RASGEF1C: variants seen among roughly 807,000 people sequenced by gnomAD.
RASGEF1C encodes ras-GEF domain-containing family member 1C.
Under a neutral mutation model 58.1 loss-of-function variants are expected in RASGEF1C, and 27 were observed. That is an observed-to-expected ratio of 0.46 (90% CI 0.34 to 0.64). The LOEUF (loss-of-function observed/expected upper bound fraction) is 0.64, where lower values mean the gene tolerates loss of function less well. Among genes scored for constraint, RASGEF1C ranks in the 30% least tolerant of loss-of-function variants. The probability of loss-of-function intolerance (pLI) is 0.01; values close to 1 mark genes in which losing one functional copy is unlikely to be tolerated. For missense variants in RASGEF1C, 502 were observed against 605.1 expected, an observed-to-expected ratio of 0.83 and a Z score of 1.79; for synonymous variants, 243 against 246.3, an observed-to-expected ratio of 0.99 and a Z score of 0.13.
Position 180,178,557 on chromosome 5 carries a change from G to C in RASGEF1C, c.-7+30471C>G, listed in dbSNP as rs186951991. Among the ~76,000 whole-genome samples the C allele has an allele frequency of 9.2e-5, 14 of 152,146 alleles. No individual in the cohort carries two copies. The East Asian group carries it at 1.9e-3, about 21-fold the overall frequency. ...AGCCCCCCAAAGTGCTGGGATTACA[G>C]GTGTGAGCCACCGTGACTGGCTATC... On this transcript the variant is annotated intron_variant, in intron 1 of 13. Coordinates refer to ENST00000361132, the MANE Select transcript of RASGEF1C (RefSeq NM_175062.4).
chr5:180,173,802 G>A (rs190183958), intron 1 of RASGEF1C, among the ~76,000 whole-genome samples: 18 of 152,040 alleles, frequency 1.2e-4, no homozygotes, highest in East Asian at 3.9e-4. Context: ...AATCCCAGCT[G>A]CTAGGGAGGC....
chr5:180,134,923 C>A, intron 4 of RASGEF1C, among the ~76,000 whole-genome samples: 1 of 16,232 alleles, frequency 6.2e-5, no homozygotes, highest in Non-Finnish European at 1.2e-4. Flanking sequence ...TCCACTTACC[C>A]CATGCATCCA....
chr5:180,206,713 C>CCAGAGG (rs1756495298), intron 1 of RASGEF1C, among the ~76,000 whole-genome samples: 1 of 152,056 alleles, frequency 6.6e-6, no homozygotes, highest in Admixed American at 6.5e-5. Flanking sequence ...TTTGAATAAA[C>CCAGAGG]AATAATAGTA....
At chr5:180,154,205 C>G (rs1337996959) in intron 1 of RASGEF1C, among the ~76,000 whole-genome samples, 1 of 152,120 alleles carries the variant, frequency 6.6e-6, no homozygotes, top group African/African-American at 2.4e-5. Flanking sequence ...TCAGCTGGCC[C>G]CGGGCACTGT....
intron 1 of RASGEF1C, among the ~76,000 whole-genome samples, chr5:180,179,085 T>C (rs1767278335): frequency 6.6e-6 from 1 of 152,082 alleles, no homozygotes; most frequent in Non-Finnish European, 1.5e-5. Context: ...AAGAACGGGC[T>C]GGGGCTGGAG....
intron 11 of RASGEF1C, among the ~76,000 whole-genome samples, chr5:180,113,229 A>C (rs111161625): frequency 0.11 from 1,941 of 17,338 alleles, 176 homozygotes; most frequent in Middle Eastern, 0.29. Flanking sequence ...ACGGAGGGAC[A>C]GGGGATGGAC....
chr5:180,192,138 C>T (rs1756174725), intron 1 of RASGEF1C, among the ~76,000 whole-genome samples: 1 of 152,186 alleles, frequency 6.6e-6, no homozygotes, highest in Non-Finnish European at 1.5e-5. Flanking sequence ...GGACATCTCC[C>T]TTTTGGTTAA....
chr5:180,172,739 C>T (rs1346726466), intron 1 of RASGEF1C, among the ~76,000 whole-genome samples: 1 of 152,194 alleles, frequency 6.6e-6, no homozygotes, highest in Non-Finnish European at 1.5e-5. Flanking sequence ...GCCACCTGCT[C>T]CCCACCTCCC....
At chr5:180,128,185 C>G (rs1561736923) in intron 5 of RASGEF1C, among the ~76,000 whole-genome samples, 2 of 152,310 alleles carry the variant, frequency 1.3e-5, no homozygotes, top group South Asian at 2.1e-4. Flanking sequence ...GCAGGGAGGT[C>G]GCCATCAACC....
chr5:180,170,197 C>T (rs1433680781), intron 1 of RASGEF1C, among the ~76,000 whole-genome samples: 1 of 152,176 alleles, frequency 6.6e-6, no homozygotes, highest in Non-Finnish European at 1.5e-5. Context: ...AATGATGGCC[C>T]CCGGGATGCG....
In RASGEF1C at chr5:180,174,078, C is replaced by T. The variant is rs548577432; in HGVS notation, c.-7+34950G>A. On this transcript the variant is annotated intron_variant, in intron 1 of 13. Coordinates refer to ENST00000361132, the MANE Select transcript of RASGEF1C (RefSeq NM_175062.4). ...CTCGGGGGCTCCTTCCGCCTGGAGA[C>T]GGTGGGCACCAGAGAAACACTCAGT... Among the ~76,000 whole-genome samples, 59 of 151,880 alleles carry T rather than the reference C, an allele frequency of 3.9e-4. No individual in the cohort carries two copies. The Middle Eastern group carries it at 0.01, about 26-fold the overall frequency.
Position 180,111,493 on chromosome 5 carries a change from G to C in RASGEF1C, c.1267C>G (p.His423Asp). Residue 423 changes from histidine (H) to aspartate (D), a missense_variant, in exon 12 of 14, where the codon CAC becomes GAC. By Grantham distance (81) the His-to-Asp change is moderately conservative. Coordinates refer to ENST00000361132, the MANE Select transcript of RASGEF1C (RefSeq NM_175062.4). ...AAGATGGGGGCGGTGTACAGGTAGTGGGTGATGCTGGCGTCTTGCTCGAAG... is the reference window on the plus strand; with the variant it reads ...AAGATGGGGGCGGTGTACAGGTAGTCGGTGATGCTGGCGTCTTGCTCGAAG... ...CPFEQDASIT[H>D]YLYTAPIFSE... The C allele has an allele frequency of 6.2e-7, 1 of 1,614,222 alleles. No individual in the cohort carries two copies. Among genetic ancestry groups the C allele is most frequent in the Non-Finnish European group, 8.5e-7 (1 of 1,180,028 alleles).
In RASGEF1C at chr5:180,136,354, C is replaced by G. The variant is rs772520364; in HGVS notation, c.438+24G>C. The G allele has an allele frequency of 9.7e-6, 15 of 1,544,784 alleles. No individual in the cohort carries two copies. The Admixed American group carries it at 2.4e-4, about 24-fold the overall frequency. On this transcript the variant is annotated intron_variant, in intron 4 of 13. Coordinates refer to ENST00000361132, the MANE Select transcript of RASGEF1C (RefSeq NM_175062.4). ...CTGGGACGGGAGGGACCCAGGGTGACGCGACCCCCGCCCAGCTGCCCACCT... is the reference window on the plus strand; with the variant it reads ...CTGGGACGGGAGGGACCCAGGGTGAGGCGACCCCCGCCCAGCTGCCCACCT...
rs1767054110 is a variant in RASGEF1C, at chr5:180,168,486, C to T, written c.-6-30428G>A. ...CCAAAAAACTCCAGGGGATTGCTTT[C>T]CTGAGCAATCTTTATGGTATCTTCC... On this transcript the variant is annotated intron_variant, in intron 1 of 13. Coordinates refer to ENST00000361132, the MANE Select transcript of RASGEF1C (RefSeq NM_175062.4). This position sits in a 1 kb window ranked among gnomAD's most constrained non-coding sequence, Gnocchi z 6.0. 6.6e-6 allele frequency among the ~76,000 whole-genome samples: 1 copy of T among 152,132 alleles called. No homozygotes were observed. Among genetic ancestry groups the T allele is most frequent in the Admixed American group, 6.5e-5 (1 of 15,268 alleles).
intron 1 of RASGEF1C, among the ~76,000 whole-genome samples, chr5:180,165,358 T>G (rs1481281864): frequency 1.3e-5 from 2 of 152,210 alleles, no homozygotes; most frequent in African/African-American, 4.8e-5. Flanking sequence ...GATTTTCTTT[T>G]TTCTTTTTAA....
At chr5:180,193,236 T>C (rs1303701499) in intron 1 of RASGEF1C, among the ~76,000 whole-genome samples, 12 of 129,530 alleles carry the variant, frequency 9.3e-5, no homozygotes, top group Non-Finnish European at 1.9e-4. Context: ...CTTGTATTTT[T>C]AGTAGAGACG....
intron 10 of RASGEF1C, 84 bp downstream of exon 10, chr5:180,118,525 G>T (rs1766109114): frequency 3.2e-6 from 4 of 1,232,738 alleles, no homozygotes; most frequent in Non-Finnish European, 4.6e-6. Context: ...TGCTGCAGGG[G>T]GCAGGAGCTG....
intron 1 of RASGEF1C, among the ~76,000 whole-genome samples, chr5:180,162,429 G>A (rs1766957681): frequency 6.6e-6 from 1 of 152,184 alleles, no homozygotes; most frequent in Admixed American, 6.5e-5. Context: ...TAGGATCCAC[G>A]GCCTGGGCGT....
chr5:180,134,066 TCCCAGG>T (rs1348304905), intron 4 of RASGEF1C, among the ~76,000 whole-genome samples: 1 of 152,174 alleles, frequency 6.6e-6, no homozygotes. Flanking sequence ...TCAAGCTGGG[TCCCAGG>T]CCCTGCCTCA....
Sources: allele counts gnomAD v4.1 joint callset (sites outside exome capture counted in the v4.1 genomes callset), GRCh38; gene constraint gnomAD v4.1.1; non-coding constraint Gnocchi (gnomAD v3.1); transcripts MANE v1.5; gene names NCBI Gene and HGNC (gene_info 2026-07-23, HGNC 2026-07-21).